Variants in PLEKHG5 observed in about 807,000 individuals in gnomAD.
PLEKHG5 encodes pleckstrin homology and RhoGEF domain containing G5.
Under a neutral mutation model 103.8 loss-of-function variants are expected in PLEKHG5, and 52 were observed. The ratio of observed to expected loss-of-function variants is 0.50; its 90% confidence interval spans 0.40 to 0.63. The LOEUF (loss-of-function observed/expected upper bound fraction) is 0.63, where lower values mean the gene tolerates loss of function less well. Among genes scored for constraint, PLEKHG5 ranks in the 30% least tolerant of loss-of-function variants. PLEKHG5 has a pLI of 0.00. For synonymous variants in PLEKHG5, 592 were observed against 575.5 expected, an observed-to-expected ratio of 1.03 and a Z score of -0.41; for missense variants, 1,205 against 1,347.6, an observed-to-expected ratio of 0.89 and a Z score of 1.66.
At chr1:6,503,151 A>T (rs1645314635) in intron 1 of PLEKHG5, among the ~76,000 whole-genome samples, 1 of 152,248 alleles carries the variant, frequency 6.6e-6, no homozygotes, top group Middle Eastern at 3.4e-3. Flanking sequence ...GGTGGCTTAT[A>T]CCCATAATCC....
upstream of PLEKHG5, among the ~76,000 whole-genome samples, chr1:6,500,335 C>A (rs1207172545): frequency 6.6e-6 from 1 of 152,118 alleles, no homozygotes; most frequent in Admixed American, 6.5e-5. Context: ...GCAGACAGGG[C>A]AGGAGAAGGC....
intron 1 of PLEKHG5, among the ~76,000 whole-genome samples, chr1:6,510,419 C>G (rs1026348629): frequency 1.3e-5 from 2 of 152,104 alleles, no homozygotes; most frequent in Non-Finnish European, 2.9e-5. Context: ...GATGAAACCC[C>G]GTCTCTACTA....
intron 7 of PLEKHG5, 35 bp from the exon 8 acceptor site, chr1:6,473,489 C>A: frequency 1.4e-6 from 2 of 1,473,672 alleles, no homozygotes; most frequent in South Asian, 2.7e-5. Context: ...CCGGGACCCC[C>A]TGCCAGCCCC....
chr1:6,471,606 G>A lies in PLEKHG5; in HGVS notation c.1163C>T (p.Pro388Leu), dbSNP rs746094917. 2 of 1,594,794 alleles carry A rather than the reference G, an allele frequency of 1.3e-6. No individual in the cohort carries two copies. Among genetic ancestry groups the A allele is most frequent in the East Asian group, 2.3e-5 (1 of 43,960 alleles). ...VEAERLFSNI[P>L]EIAQLHRRLW... ...CCTGCGGTGCAGCTGCGCGATCTCCGGGATGTTGCTGAACAGGCGCTCCGC... is the reference window on the plus strand; with the variant it reads ...CCTGCGGTGCAGCTGCGCGATCTCCAGGATGTTGCTGAACAGGCGCTCCGC... Residue 388 changes from proline to leucine, a missense_variant, in exon 12 of 21, where the codon CCG (proline) becomes CTG (leucine). By Grantham distance (98) the Pro-to-Leu change is moderately conservative (BLOSUM62 -3). Transcript: ENST00000377728.
At chr1:6,507,646 C>T (rs1638361778) in intron 1 of PLEKHG5, among the ~76,000 whole-genome samples, 1 of 152,174 alleles carries the variant, frequency 6.6e-6, no homozygotes, top group Admixed American at 6.5e-5. Context: ...AGGGGTCACC[C>T]CAGGGCTGTG....
chr1:6,473,899 A>T, intron 7 of PLEKHG5, 114 bp downstream of exon 7: 1 of 1,065,298 alleles, frequency 9.4e-7, no homozygotes, highest in Non-Finnish European at 1.4e-6. Context: ...AGGGACAATT[A>T]AAACCCCAAG....
chr1:6,479,451 T>A (rs1644847809), intron 1 of PLEKHG5, among the ~76,000 whole-genome samples: 1 of 151,696 alleles, frequency 6.6e-6, no homozygotes, highest in Non-Finnish European at 1.5e-5. Context: ...CACGCCCGGC[T>A]AATTTTTTGT....
chr1:6,507,252 C>G (rs939891488), intron 1 of PLEKHG5, among the ~76,000 whole-genome samples: 3 of 152,204 alleles, frequency 2.0e-5, no homozygotes. Context: ...TCCTTCATGG[C>G]ACAGATGAGG....
At chr1:6,485,961 A>G in intron 1 of PLEKHG5, 1 of 956,384 alleles carries the variant, frequency 1.0e-6, no homozygotes, top group South Asian at 4.9e-5. Flanking sequence ...TGCTGGAGGC[A>G]GGGGGCGCTG....
Position 6,470,248 on chromosome 1 carries a change from C to T in PLEKHG5, c.1788G>A (p.Gly596=). Residue 596 remains glycine (G), a synonymous_variant, in exon 16 of 21, where the codon GGG becomes GGA. Coordinates refer to ENST00000377728, the MANE Select transcript of PLEKHG5 (RefSeq NM_020631.6). Reference sequence around the variant, plus strand: ...GCCCTGGAATCACCTTGCTGTCCTTCCCCTCCTTCATCCTCAGGCTCCCCT... The same window carrying T: ...GCCCTGGAATCACCTTGCTGTCCTTTCCCTCCTTCATCCTCAGGCTCCCCT... ...LLEGSLRMKE[G]KDSKMDVYCF... is the part of the protein sequence containing the mutation. 6.2e-7 allele frequency: 1 copy of T among 1,613,998 alleles called. No individual in the cohort carries two copies. The highest frequency in any genetic ancestry group is 8.5e-7 in the Non-Finnish European group (1 of 1,179,982).
chr1:6,468,365 G>C lies in PLEKHG5; in HGVS notation c.2471C>G (p.Pro824Arg). ...GGCCACAAAGTCTTGTAAGGAGGTTGGGGAGAGGGTGCCGTAGGCAGAGTC... is the reference window on the plus strand; with the variant it reads ...GGCCACAAAGTCTTGTAAGGAGGTTCGGGAGAGGGTGCCGTAGGCAGAGTC... The part of the protein sequence containing the change: ...SMDSAYGTLS[P>R]TSLQDFVAPG... Residue 824 changes from proline (P) to arginine (R), a missense_variant, in exon 20 of 21, where the codon CCA becomes CGA. By Grantham distance (103) the Pro-to-Arg change is moderately radical. Transcript: ENST00000377728. The C allele has an allele frequency of 1.2e-6, 2 of 1,609,398 alleles. No homozygotes were observed. The highest frequency in any genetic ancestry group is 3.3e-4 in the Middle Eastern group (2 of 6,052).
chr1:6,504,361 T>C (rs576149965), intron 1 of PLEKHG5, among the ~76,000 whole-genome samples: 1 of 152,134 alleles, frequency 6.6e-6, no homozygotes, highest in South Asian at 2.1e-4. Context: ...GCCCCTCTCA[T>C]GTCCTGCCCT....
rs1055828092 is a variant in PLEKHG5, at chr1:6,487,059, A to G, written c.-88+4578T>C. ...CTGGGAGACTTCCAGGGCTGTCTCC[A>G]CTCCCAAAGCCCAGGTCACCCACTG... On this transcript the variant is annotated intron_variant, in intron 1 of 20. Transcript: ENST00000377728. This position sits in a 1 kb window ranked among gnomAD's most constrained non-coding sequence, Gnocchi z 4.1. Among the ~76,000 whole-genome samples the G allele has an allele frequency of 6.6e-6, 1 of 151,618 alleles. No individual in the cohort carries two copies. Among genetic ancestry groups the G allele is most frequent in the African/African-American group, 2.4e-5 (1 of 41,228 alleles).
rs569434019 is a variant in PLEKHG5 at position 6,473,120 on chromosome 1, C to G, written c.850G>C (p.Gly284Arg). 1 of 1,613,844 alleles carries G rather than the reference C, an allele frequency of 6.2e-7. No individual in the cohort carries two copies. Among genetic ancestry groups the G allele is most frequent in the Non-Finnish European group, 8.5e-7 (1 of 1,179,988 alleles). Residue 284 changes from glycine to arginine, a missense_variant, in exon 9 of 21, where the codon GGG becomes CGG. Gly to Arg is a moderately radical substitution (Grantham distance 125). Coordinates refer to ENST00000377728, the MANE Select transcript of PLEKHG5 (RefSeq NM_020631.6). ...AGCCCCCGGGGCAGCCTGGGCAGCCCGAAGAGGCTGTAGGTGTGCAGCTTG... is the reference window on the plus strand; with the variant it reads ...AGCCCCCGGGGCAGCCTGGGCAGCCGGAAGAGGCTGTAGGTGTGCAGCTTG... ...EGKLHTYSLF[G>R]LPRLPRGLRF...
intron 1 of PLEKHG5, among the ~76,000 whole-genome samples, chr1:6,513,211 A>G (rs1638526248): frequency 6.6e-6 from 1 of 152,230 alleles, no homozygotes; most frequent in Non-Finnish European, 1.5e-5. Flanking sequence ...GGTGCCAGGG[A>G]AATGCTTATT....
rs775809877 is a variant in PLEKHG5, at chr1:6,468,103, G to A, written c.2733C>T (p.Ala911=). ...SLSELCLAVP[A]PGIRTQGSPQ... Reference sequence around the variant, plus strand: ...GGGAGCCCTGAGTCCTAATACCTGGGGCTGGAACAGCCAGGCAGAGCTCTG... The same window carrying A: ...GGGAGCCCTGAGTCCTAATACCTGGAGCTGGAACAGCCAGGCAGAGCTCTG... Residue 911 remains alanine (A), a synonymous_variant, in exon 20 of 21, where the codon GCC becomes GCT. Coordinates refer to ENST00000377728, the MANE Select transcript of PLEKHG5 (RefSeq NM_020631.6). The A allele has an allele frequency of 6.3e-7, 1 of 1,583,622 alleles. No individual in the cohort carries two copies. The highest frequency in any genetic ancestry group is 1.8e-5 in the Admixed American group (1 of 56,718).
In PLEKHG5 at chr1:6,473,202, G is replaced by A. The variant is rs376356112; in HGVS notation, c.796-28C>T. 32 of 1,613,006 alleles carry A rather than the reference G, an allele frequency of 2.0e-5. No homozygotes were observed. In the African/African-American group the frequency reaches 3.9e-4, roughly 20 times the overall value. On this transcript the variant is annotated intron_variant, in intron 8 of 20. Coordinates refer to ENST00000377728, the MANE Select transcript of PLEKHG5 (RefSeq NM_020631.6). The stretch of plus-strand genomic sequence containing the variant: ...GGAAAGATACCCTGGTCAGGGTCAG[G>A]GGTCATGGCCAGCCAGCTGCCTGAC...
chr1:6,502,884 C>T (rs1424625195), intron 1 of PLEKHG5, among the ~76,000 whole-genome samples: 1 of 152,174 alleles, frequency 6.6e-6, no homozygotes, highest in Non-Finnish European at 1.5e-5. Context: ...TGCTGTGACC[C>T]AGCCGCTGTG....
rs749438508 is a variant in PLEKHG5 at position 6,468,201 on chromosome 1, C to G, written c.2635G>C (p.Glu879Gln). The G allele has an allele frequency of 1.3e-6, 2 of 1,575,926 alleles. No homozygotes were observed. Among genetic ancestry groups the G allele is most frequent in the Non-Finnish European group, 1.7e-6 (2 of 1,158,554 alleles). The change falls in exon 20 of 21, where the codon GAG becomes CAG. Residue 879 changes from glutamate (E) to glutamine (Q), a missense_variant. Transcript: ENST00000377728. ...CPPHLLKSKS[E>Q]ASLLQLLAGA... ...GCCAGCAGCTGGAGGAGGCTGGCCT[C>G]GGACTTAGACTTGAGCAGGTGGGGC...
Sources: gnomAD v4.1 joint callset for allele counts (sites outside exome capture counted in the v4.1 genomes callset) on GRCh38, gnomAD v4.1.1 for gene constraint, Gnocchi (gnomAD v3.1) non-coding constraint, MANE v1.5 for transcripts, NCBI Gene and HGNC (gene_info 2026-07-23, HGNC 2026-07-21) for gene names.